CADM2: variants seen among roughly 807,000 people sequenced by gnomAD.
CADM2 encodes cell adhesion molecule 2, also known as immunoglobulin superfamily member 4D.
Under a neutral mutation model 49.8 loss-of-function variants are expected in CADM2, and 12 were observed. That is an observed-to-expected ratio of 0.24 (90% CI 0.15 to 0.39). The LOEUF is 0.39. Ranked by LOEUF, CADM2 falls within the 10% of genes least tolerant of loss-of-function variation. The pLI is 1.00. For missense variants in CADM2, 378 were observed against 492.3 expected (o/e 0.77, Z 2.20); for synonymous variants, 214 against 175.4 (o/e 1.22, Z -1.74).
intron 1 of CADM2, among the ~76,000 whole-genome samples, chr3:85,307,674 A>T (rs1259669379): frequency 1.3e-5 from 2 of 151,730 alleles, no homozygotes; most frequent in Admixed American, 6.6e-5. Context: ...AGGTTACATG[A>T]TTTCCCTCAC....
chr3:85,045,415 G>C (rs1351560438), intron 1 of CADM2, among the ~76,000 whole-genome samples: 1 of 152,038 alleles, frequency 6.6e-6, no homozygotes, highest in East Asian at 1.9e-4. Context: ...TCTTCTTTGT[G>C]CTCATGCATT....
intron 2 of CADM2, among the ~76,000 whole-genome samples, chr3:85,743,197 T>C (rs2068468733): frequency 6.6e-6 from 1 of 152,186 alleles, no homozygotes; most frequent in Admixed American, 6.5e-5. Context: ...TGCTTCTTCA[T>C]CTCATTTCTT....
At chr3:85,523,191 T>G (rs1031126021) in intron 1 of CADM2, among the ~76,000 whole-genome samples, 1 of 152,084 alleles carries the variant, frequency 6.6e-6, no homozygotes, top group African/African-American at 2.4e-5. Context: ...GCAGAGCATC[T>G]TGGCAATAGA....
intron 1 of CADM2, among the ~76,000 whole-genome samples, chr3:85,412,918 G>C (rs943818083): frequency 6.6e-6 from 1 of 151,388 alleles, no homozygotes; most frequent in African/African-American, 2.4e-5. Context: ...GAGGCGGGCG[G>C]ATCACGAGGT....
chr3:85,020,266 C>G (rs2034437564), intron 1 of CADM2, among the ~76,000 whole-genome samples: 2 of 152,000 alleles, frequency 1.3e-5, no homozygotes, highest in Non-Finnish European at 2.9e-5. Flanking sequence ...AAATGCCATC[C>G]AGTACAGTCC....
At chr3:85,096,761 G>A (rs1191522947) in intron 1 of CADM2, among the ~76,000 whole-genome samples, 2 of 152,050 alleles carry the variant, frequency 1.3e-5, no homozygotes, top group Non-Finnish European at 1.5e-5. Flanking sequence ...TCCTTAAAAT[G>A]TACTCCATTC....
intron 1 of CADM2, among the ~76,000 whole-genome samples, chr3:85,068,017 G>T (rs1290055635): frequency 6.6e-6 from 1 of 152,066 alleles, no homozygotes; most frequent in Non-Finnish European, 1.5e-5. Flanking sequence ...GACAGCTTAT[G>T]CCAGTCAGCA....
chr3:85,573,340 A>T (rs2062539242), intron 1 of CADM2, among the ~76,000 whole-genome samples: 1 of 151,976 alleles, frequency 6.6e-6, no homozygotes, highest in Non-Finnish European at 1.5e-5. Context: ...TTACTGGTGC[A>T]TGCCACCAGG....
intron 1 of CADM2, among the ~76,000 whole-genome samples, chr3:85,009,863 C>CCCAA (rs2033903810): frequency 8.8e-6 from 1 of 113,900 alleles, no homozygotes; most frequent in Non-Finnish European, 1.9e-5. Context: ...AAGATTCTAT[C>CCCAA]TCAATAAATA....
At chr3:85,467,677 G>T (rs1460489088) in intron 1 of CADM2, among the ~76,000 whole-genome samples, 2 of 151,948 alleles carry the variant, frequency 1.3e-5, no homozygotes, top group Non-Finnish European at 2.9e-5. Flanking sequence ...TACTAATTGT[G>T]AGCTAAAATA....
chr3:85,330,435 G>C (rs1344465181), intron 1 of CADM2, among the ~76,000 whole-genome samples: 1 of 152,098 alleles, frequency 6.6e-6, no homozygotes, highest in Non-Finnish European at 1.5e-5. Flanking sequence ...AAAAGTACTT[G>C]AAAGGGCAGA....
chr3:85,004,429 G>A (rs1872554), intron 1 of CADM2, among the ~76,000 whole-genome samples: 12,127 of 151,990 alleles, frequency 0.08, 683 homozygotes, highest in Admixed American at 0.19. Context: ...AATAAGATAA[G>A]GCCCTTGTTC....
chr3:85,253,290 A>G (rs925458624), intron 1 of CADM2, among the ~76,000 whole-genome samples: 5 of 152,092 alleles, frequency 3.3e-5, no homozygotes, highest in Non-Finnish European at 5.9e-5. Context: ...TTAAAATCAA[A>G]GTTATTATTG....
chr3:85,442,833 G>T (rs2107547144), intron 1 of CADM2, among the ~76,000 whole-genome samples: 1 of 151,256 alleles, frequency 6.6e-6, no homozygotes, highest in East Asian at 1.9e-4. Context: ...GAGTAAGAAA[G>T]AAATTATTAA....
intron 7 of CADM2, among the ~76,000 whole-genome samples, chr3:85,953,873 A>G (rs1041055371): frequency 1.3e-5 from 2 of 150,978 alleles, no homozygotes; most frequent in Non-Finnish European, 3.0e-5. Context: ...GTCTTAAGAT[A>G]TAAGTGTAGA....
At chr3:85,422,716 AC>A (rs2107501235) in intron 1 of CADM2, among the ~76,000 whole-genome samples, 1 of 151,864 alleles carries the variant, frequency 6.6e-6, no homozygotes, top group African/African-American at 2.4e-5. Context: ...GAGTTTCCTG[AC>A]CCCCTTGTGA....
intron 1 of CADM2, among the ~76,000 whole-genome samples, chr3:85,155,697 T>C (rs1380005772): frequency 3.3e-5 from 5 of 151,758 alleles, no homozygotes; most frequent in East Asian, 1.9e-4. Context: ...GAAGTAAAGC[T>C]CTCCTTAGCA....
chr3:85,303,887 C>A (rs910082161), intron 1 of CADM2, among the ~76,000 whole-genome samples: 2 of 151,916 alleles, frequency 1.3e-5, no homozygotes, highest in Non-Finnish European at 2.9e-5. Context: ...CAATTAAAAT[C>A]ACAAAATAAA....
intron 1 of CADM2, among the ~76,000 whole-genome samples, chr3:85,274,270 G>A (rs72919231): frequency 0.011 from 1,738 of 151,392 alleles, 32 homozygotes; most frequent in African/African-American, 0.039. Flanking sequence ...TTCAGGAGAC[G>A]CATATAAGAA....
Sources: gnomAD v4.1 joint callset for allele counts (sites outside exome capture counted in the v4.1 genomes callset) on GRCh38, gnomAD v4.1.1 for gene constraint, MANE v1.5 for transcripts, NCBI Gene and HGNC (gene_info 2026-07-23, HGNC 2026-07-21) for gene names.